Variants in CDH18 observed in about 807,000 individuals in gnomAD.
The protein encoded by CDH18 is cadherin-18.
A neutral mutation model predicts 67.9 loss-of-function variants in CDH18; 31 were observed. The observed-to-expected ratio is 0.46, with a 90% CI of 0.34 to 0.62. CDH18 has a LOEUF of 0.62. CDH18 is among the 20% of genes least tolerant of loss of function. The pLI, the probability that CDH18 is intolerant of heterozygous loss-of-function variation, is 0.01. For missense variants in CDH18, 890 were observed against 975.5 expected (o/e 0.91, Z 1.17); for synonymous variants, 362 against 347.2 (o/e 1.04, Z -0.48).
At chr5:20,569,419 G>A (rs1455003718) in intron 1 of CDH18, among the ~76,000 whole-genome samples, 5 of 152,158 alleles carry the variant, frequency 3.3e-5, no homozygotes, top group East Asian at 1.9e-4. Flanking sequence ...TCAAGAGTTC[G>A]AGACCAGCCT....
chr5:19,803,770 G>A (rs1010066063), intron 3 of CDH18: 1 of 152,076 alleles, frequency 6.6e-6, no homozygotes, highest in Non-Finnish European at 1.5e-5. Flanking sequence ...TCAACCAAAA[G>A]ACGTTGATTG....
intron 2 of CDH18, among the ~76,000 whole-genome samples, chr5:19,970,858 A>G (rs1797955586): frequency 6.6e-6 from 1 of 151,576 alleles, no homozygotes; most frequent in African/African-American, 2.4e-5. Context: ...AGTGAAAACT[A>G]ACTTGTTGAC....
intron 1 of CDH18, among the ~76,000 whole-genome samples, chr5:20,300,327 TG>T (rs1580700245): frequency 1.3e-5 from 2 of 151,910 alleles, no homozygotes; most frequent in East Asian, 3.9e-4. Context: ...TGTGTGTGTG[TG>T]TGTGTATTTT....
chr5:20,572,622 T>A (rs1344151613), intron 1 of CDH18, among the ~76,000 whole-genome samples: 1 of 152,262 alleles, frequency 6.6e-6, no homozygotes, highest in East Asian at 1.9e-4. Context: ...TTAAAAGTAT[T>A]CACATTATAA....
At chr5:20,560,468 TACACACACACACACACAC>T (rs547246325) in intron 1 of CDH18, among the ~76,000 whole-genome samples, 9 of 127,698 alleles carry the variant, frequency 7.0e-5, no homozygotes, top group South Asian at 5.5e-4. Flanking sequence ...CCAACACTCA[TACACACACACACACACAC>T]ACACACACAC....
intron 5 of CDH18, among the ~76,000 whole-genome samples, chr5:19,680,378 A>T (rs1189332879): frequency 6.6e-6 from 1 of 152,146 alleles, no homozygotes. Context: ...CAAAGATTTC[A>T]TGATTAATAT....
intron 1 of CDH18, among the ~76,000 whole-genome samples, chr5:20,415,118 G>A (rs1418514596): frequency 6.6e-6 from 1 of 152,160 alleles, no homozygotes; most frequent in African/African-American, 2.4e-5. Context: ...AGGAGGGGTG[G>A]CTCACGCCTG....
chr5:20,333,091 T>C (rs1739332057), intron 1 of CDH18, among the ~76,000 whole-genome samples: 1 of 152,154 alleles, frequency 6.6e-6, no homozygotes, highest in Admixed American at 6.5e-5. Flanking sequence ...AACAATATTA[T>C]TGGAGGACCT....
chr5:19,832,784 GAT>G (rs1260807814), intron 3 of CDH18, among the ~76,000 whole-genome samples: 1 of 152,020 alleles, frequency 6.6e-6, no homozygotes, highest in African/African-American at 2.4e-5. Context: ...CTGTATAGGA[GAT>G]ATTTTCCCTA....
intron 2 of CDH18, among the ~76,000 whole-genome samples, chr5:20,161,407 A>G (rs1735882823): frequency 6.6e-6 from 1 of 152,164 alleles, no homozygotes; most frequent in African/African-American, 2.4e-5. Flanking sequence ...TGCTCACCAT[A>G]CACTTGCTGG....
chr5:20,483,197 A>G (rs1017735204), intron 1 of CDH18, among the ~76,000 whole-genome samples: 6 of 152,040 alleles, frequency 3.9e-5, no homozygotes, highest in African/African-American at 1.4e-4. Context: ...AATACCTAGG[A>G]AAAAACTTAA....
At chr5:19,519,692 C>T (rs1746584261) in intron 10 of CDH18, among the ~76,000 whole-genome samples, 1 of 152,120 alleles carries the variant, frequency 6.6e-6, no homozygotes, top group East Asian at 1.9e-4. Context: ...CAGGCTTGCT[C>T]CTCTTATTTG....
At chr5:20,296,279 A>C (rs1747514884) in intron 1 of CDH18, among the ~76,000 whole-genome samples, 1 of 142,424 alleles carries the variant, frequency 7.0e-6, no homozygotes, top group Non-Finnish European at 1.5e-5. Context: ...TTTGAGAGGG[A>C]GTCTCACTCT....
chr5:20,365,048 A>G (rs887320369), intron 1 of CDH18, among the ~76,000 whole-genome samples: 1 of 152,228 alleles, frequency 6.6e-6, no homozygotes, highest in African/African-American at 2.4e-5. Flanking sequence ...TGGCTAAGAT[A>G]ACTAGCAGCT....
At chr5:20,122,632 T>C (rs1049157666) in intron 2 of CDH18, among the ~76,000 whole-genome samples, 2 of 151,774 alleles carry the variant, frequency 1.3e-5, no homozygotes, top group Non-Finnish European at 1.5e-5. Context: ...TTTACTCAAC[T>C]TATTCCCATT....
intron 1 of CDH18, among the ~76,000 whole-genome samples, chr5:20,284,516 C>T (rs1746533064): frequency 6.6e-6 from 1 of 151,902 alleles, no homozygotes; most frequent in South Asian, 2.1e-4. Context: ...TTTTTTCCCA[C>T]CGTTATTGGA....
rs1187140017 is a variant in CDH18, at chr5:20,363,477, C to CAAAAAAAAA, written c.-579-107981_-579-107973dup. ...GGCAACACAGAGCGAGACTCCGTAT[C>CAAAAAAAAA]AAAAAAAAAAAAAAAAAAAAGCCAG... On this transcript the variant is annotated intron_variant, in intron 1 of 14. Coordinates refer to the CDH18 transcript ENST00000507958. 3.9e-5 allele frequency among the ~76,000 whole-genome samples: 4 copies of CAAAAAAAAA among 101,294 alleles called. 2 individuals carry two copies. Among genetic ancestry groups the CAAAAAAAAA allele is most frequent in the Non-Finnish European group, 7.3e-5 (4 of 54,552 alleles). 66.5% of individuals were successfully genotyped at this position (101,294 alleles called of 152,430 possible).
chr5:19,945,755 G>T (rs1257957841), intron 2 of CDH18, among the ~76,000 whole-genome samples: 1 of 152,026 alleles, frequency 6.6e-6, no homozygotes, highest in Non-Finnish European at 1.5e-5. Context: ...CCTTAGAAGT[G>T]GTGGAAATGA....
intron 1 of CDH18, among the ~76,000 whole-genome samples, chr5:20,418,132 G>A (rs1471975267): frequency 6.6e-6 from 1 of 151,794 alleles, no homozygotes; most frequent in Non-Finnish European, 1.5e-5. Context: ...CTGGAGTGCA[G>A]TGGCGCAATC....
Sources: gnomAD v4.1 joint callset for allele counts (sites outside exome capture counted in the v4.1 genomes callset) on GRCh38, gnomAD v4.1.1 for gene constraint, MANE v1.5 for transcripts, NCBI Gene and HGNC (gene_info 2026-07-23, HGNC 2026-07-21) for gene names.